AVL9: variants seen among roughly 807,000 people sequenced by gnomAD.
AVL9 encodes late secretory pathway protein AVL9 homolog.
In AVL9, 49 loss-of-function variants were observed where a neutral mutation model predicts 79.2. That is an observed-to-expected ratio of 0.62 (90% CI 0.49 to 0.79). The LOEUF is 0.79. Among genes scored for constraint, AVL9 ranks in the 30% least tolerant of loss-of-function variants. AVL9 has a pLI of 0.00. For synonymous variants in AVL9, 299 were observed against 280.6 expected, an observed-to-expected ratio of 1.07 and a Z score of -0.65; for missense variants, 682 against 776.8, an observed-to-expected ratio of 0.88 and a Z score of 1.45.
At position 32,499,499 on chromosome 7, in the gene AVL9, A is replaced by G. The variant is rs1207233452; in HGVS notation, c.93+3697A>G. ...CTTTTCTGATAGTTTATTGTTTTGT[A>G]TACATAGCTAGCAGTTTTAAGTCTT... On this transcript the variant is annotated intron_variant, in intron 1 of 15. Transcript: ENST00000318709. Among the ~76,000 whole-genome samples the G allele has an allele frequency of 2.6e-5, 4 of 152,154 alleles. No homozygotes were observed. The East Asian group carries it at 5.8e-4, about 22-fold the overall frequency.
chr7:32,530,103 A>G (rs116950699), intron 1 of AVL9, among the ~76,000 whole-genome samples: 2,264 of 152,280 alleles, frequency 0.015, 26 homozygotes, highest in South Asian at 0.044. Context: ...TTTTTTAATT[A>G]TTGGATTTAA....
At chr7:32,560,534 CTTCTAA>C (rs1486564159) in intron 10 of AVL9, among the ~76,000 whole-genome samples, 3 of 152,230 alleles carry the variant, frequency 2.0e-5, no homozygotes, top group East Asian at 1.9e-4. Flanking sequence ...TCAGATTCCA[CTTCTAA>C]TTCTAATTTT....
Position 32,566,183 on chromosome 7 carries a change from T to A in AVL9, c.1216-3837T>A, listed in dbSNP as rs908371433. Among the ~76,000 whole-genome samples the A allele has an allele frequency of 8.2e-5, 10 of 121,322 alleles. 1 individual carries two copies. The highest frequency in any genetic ancestry group is 3.1e-4 in the South Asian group (1 of 3,188). The allele number at this position is 121,322 out of a possible 152,430, so 79.6% of individuals were successfully genotyped here. A position where few individuals can be genotyped will look rare whatever the true frequency, so the allele number is the denominator to read the frequency against. On this transcript the variant is annotated intron_variant, in intron 10 of 15. Transcript: ENST00000318709. ...AAAAATTTTAATTATTATTATTATT[T>A]TTTTTTTTTGGAGACAAGGTCTCAC...
intron 1 of AVL9, among the ~76,000 whole-genome samples, chr7:32,517,171 A>C (rs1403589694): frequency 1.3e-5 from 2 of 152,138 alleles, no homozygotes; most frequent in Admixed American, 1.3e-4. Context: ...GTGTGTGTTT[A>C]TGTGTACATA....
intron 1 of AVL9, among the ~76,000 whole-genome samples, chr7:32,521,609 A>T (rs1049497109): frequency 6.6e-6 from 1 of 152,210 alleles, no homozygotes; most frequent in African/African-American, 2.4e-5. Context: ...AGCAGAGCAT[A>T]AAAGTTTGGA....
intron 8 of AVL9, among the ~76,000 whole-genome samples, chr7:32,555,126 C>T (rs1160508472): frequency 6.6e-6 from 1 of 152,122 alleles, no homozygotes; most frequent in Non-Finnish European, 1.5e-5. Context: ...ATCACTTGCG[C>T]TCAGGAGTTT....
intron 1 of AVL9, chr7:32,534,392 T>G (rs1788803284): frequency 6.6e-6 from 1 of 152,110 alleles, no homozygotes; most frequent in South Asian, 2.1e-4. Context: ...AGACATCTTT[T>G]TTTTTTTTAA....
intron 1 of AVL9, among the ~76,000 whole-genome samples, chr7:32,504,953 A>C (rs1236331936): frequency 6.6e-6 from 1 of 151,962 alleles, no homozygotes; most frequent in Non-Finnish European, 1.5e-5. Flanking sequence ...AGCTCGCTGC[A>C]ACCTCCACCT....
intron 11 of AVL9, among the ~76,000 whole-genome samples, chr7:32,571,270 C>T (rs1790832755): frequency 1.4e-5 from 2 of 140,868 alleles, no homozygotes; most frequent in South Asian, 4.8e-4. Flanking sequence ...TGGCTCAAAT[C>T]TGTAATCCCA....
chr7:32,539,765 TG>T (rs1377534158), intron 1 of AVL9, among the ~76,000 whole-genome samples: 2 of 152,228 alleles, frequency 1.3e-5, no homozygotes, highest in East Asian at 3.9e-4. Context: ...AGGTGTTGGC[TG>T]GGCTCCATTT....
Position 32,561,342 on chromosome 7 carries a change from G to A in AVL9, c.1215+1878G>A, listed in dbSNP as rs369571080. On this transcript the variant is annotated intron_variant, in intron 10 of 15. Coordinates refer to ENST00000318709, the MANE Select transcript of AVL9 (RefSeq NM_015060.3). ...ATCAATGACCTTAGCTAGATCTTCTGAATAACTTGCTACAGCTTCTTCATC... is the reference window on the plus strand; with the variant it reads ...ATCAATGACCTTAGCTAGATCTTCTAAATAACTTGCTACAGCTTCTTCATC... 3.9e-5 allele frequency among the ~76,000 whole-genome samples: 6 copies of A among 152,320 alleles called. No homozygotes were observed. In the East Asian group the frequency reaches 1.2e-3, roughly 29 times the overall value.
intron 1 of AVL9, among the ~76,000 whole-genome samples, chr7:32,512,628 C>G (rs1055145512): frequency 6.6e-6 from 1 of 152,064 alleles, no homozygotes; most frequent in Admixed American, 6.5e-5. Context: ...TCCTGTGGTC[C>G]CTTGGTTTGA....
At chr7:32,514,662 G>A (rs1787832390) in intron 1 of AVL9, among the ~76,000 whole-genome samples, 1 of 152,140 alleles carries the variant, frequency 6.6e-6, no homozygotes. Context: ...CTTAAGTGAT[G>A]ACATTACCTT....
chr7:32,573,254 C>T lies in AVL9; in HGVS notation c.1406C>T (p.Pro469Leu). Residue 469 changes from proline (P) to leucine (L), a missense_variant, in exon 12 of 16, where the codon CCA becomes CTA. Transcript: ENST00000318709. ...CCAGAACTCAGGAAGCTGCTTAACC[C>T]AACCACTGCAGACCTAAGGTTCGCA... is the stretch of plus-strand genomic sequence containing the variant. Reference protein sequence around the residue: ...HDPELRKLLNPTTADLRFADY... With the variant: ...HDPELRKLLNLTTADLRFADY... The T allele has an allele frequency of 6.2e-7, 1 of 1,613,898 alleles. No individual in the cohort carries two copies. The highest frequency in any genetic ancestry group is 8.5e-7 in the Non-Finnish European group (1 of 1,179,968).
intron 1 of AVL9, among the ~76,000 whole-genome samples, chr7:32,527,130 A>G (rs553280635): frequency 6.6e-6 from 1 of 152,340 alleles, no homozygotes; most frequent in East Asian, 1.9e-4. Flanking sequence ...CAAATCAAGG[A>G]TGGGTACAAA....
At chr7:32,556,142 T>A (rs868545198) in intron 8 of AVL9, among the ~76,000 whole-genome samples, 2 of 152,198 alleles carry the variant, frequency 1.3e-5, no homozygotes, top group Non-Finnish European at 2.9e-5. Flanking sequence ...AGTAAAGATA[T>A]CAACCTAGTT....
At chr7:32,547,107 G>A (rs1789550392) in intron 3 of AVL9, among the ~76,000 whole-genome samples, 2 of 152,154 alleles carry the variant, frequency 1.3e-5, no homozygotes, top group African/African-American at 4.8e-5. Flanking sequence ...GAGGAAGTTG[G>A]TATCAAGAGG....
At chr7:32,543,082 C>A in intron 1 of AVL9, 59 bp from the exon 2 acceptor site, 2 of 1,598,972 alleles carry the variant, frequency 1.3e-6, no homozygotes, top group Middle Eastern at 1.7e-4. Context: ...TTTTACCTAT[C>A]AGAATAAAAT....
At chr7:32,533,189 C>T (rs1051726692) in intron 1 of AVL9, 1 of 152,214 alleles carries the variant, frequency 6.6e-6, no homozygotes, top group Admixed American at 6.5e-5. Flanking sequence ...TGCCTGTAAT[C>T]CAAGCTACTC....
Sources: allele counts gnomAD v4.1 joint callset (sites outside exome capture counted in the v4.1 genomes callset), GRCh38; gene constraint gnomAD v4.1.1; transcripts MANE v1.5; gene names NCBI Gene and HGNC (gene_info 2026-07-23, HGNC 2026-07-21).